ANK2: variants seen among roughly 807,000 people sequenced by gnomAD.
ANK2 encodes ankyrin-2.
Under a neutral mutation model 360.5 loss-of-function variants are expected in ANK2, and 83 were observed. The ratio of observed to expected loss-of-function variants is 0.23; its 90% CI spans 0.19 to 0.28. The LOEUF (loss-of-function observed/expected upper bound fraction) is 0.28, where lower values mean the gene tolerates loss of function less well. Among genes scored for constraint, ANK2 ranks in the 10% least tolerant of loss-of-function variants. The pLI, the probability that ANK2 is intolerant of heterozygous loss-of-function variation, is 1.00. For synonymous variants in ANK2, 1,740 were observed against 1,759.5 expected (o/e 0.99, Z 0.28); for missense variants, 4,201 against 4,795.7 (o/e 0.88, Z 3.66).
the ANK2 span, among the ~76,000 whole-genome samples, chr4:112,771,062 C>T: frequency 6.6e-6 from 1 of 152,148 alleles, no homozygotes; most frequent in Non-Finnish European, 1.5e-5. Context: ...GTGGCTGGGG[C>T]CCCTGTAACA....
intron 43 of ANK2, chr4:113,372,496 C>CA: frequency 7.7e-7 from 1 of 1,295,784 alleles, no homozygotes; most frequent in Non-Finnish European, 1.1e-6. Context: ...CATTCCTTAG[C>CA]ATGTTAAACA....
chr4:112,909,902 A>G (rs2086538486), intron 2 of ANK2, among the ~76,000 whole-genome samples: 1 of 152,186 alleles, frequency 6.6e-6, no homozygotes, highest in African/African-American at 2.4e-5. Flanking sequence ...TAATTCATAC[A>G]CATTAATTGT....
intron 1 of ANK2, among the ~76,000 whole-genome samples, chr4:113,125,912 C>G (rs1582351914): frequency 1.3e-5 from 2 of 152,104 alleles, no homozygotes; most frequent in East Asian, 3.9e-4. Context: ...CGCAAGTTTT[C>G]TTTAATAGGT....
intron 23 of ANK2, among the ~76,000 whole-genome samples, chr4:113,308,457 G>A (rs776084999): frequency 2.0e-5 from 3 of 152,190 alleles, no homozygotes; most frequent in African/African-American, 4.8e-5. Flanking sequence ...TCTGTGTATT[G>A]TTAGTGGACC....
chr4:113,090,105 T>C (rs912539474), intron 1 of ANK2, among the ~76,000 whole-genome samples: 2 of 152,196 alleles, frequency 1.3e-5, no homozygotes, highest in Non-Finnish European at 2.9e-5. Flanking sequence ...AAATCATATC[T>C]TGGGAATAGA....
chr4:112,890,329 T>C (rs947759730), intron 1 of ANK2, among the ~76,000 whole-genome samples: 3 of 152,186 alleles, frequency 2.0e-5, no homozygotes, highest in African/African-American at 7.2e-5. Flanking sequence ...GTCTTTGAAG[T>C]ACCAGATTCT....
At chr4:112,788,212 G>A in the ANK2 span, 7 of 1,589,672 alleles carry the variant, frequency 4.4e-6, no homozygotes, top group Admixed American at 6.7e-5. Flanking sequence ...CATTGTAATT[G>A]GTCCTGATAG....
chr4:113,022,478 G>C (rs2058386567), intron 2 of ANK2, among the ~76,000 whole-genome samples: 1 of 152,144 alleles, frequency 6.6e-6, no homozygotes, highest in African/African-American at 2.4e-5. Flanking sequence ...TGTTCTTGGT[G>C]AGTCTAGCAT....
intron 1 of ANK2, among the ~76,000 whole-genome samples, chr4:113,091,167 AC>A (rs1426128393): frequency 6.6e-6 from 1 of 152,244 alleles, no homozygotes; most frequent in Non-Finnish European, 1.5e-5. Flanking sequence ...ATACTTCAGC[AC>A]AGATTGTACC....
intron 29 of ANK2, among the ~76,000 whole-genome samples, chr4:113,334,132 T>C (rs887343773): frequency 2.6e-5 from 4 of 152,304 alleles, no homozygotes; most frequent in South Asian, 2.1e-4. Context: ...ATATGGCTTA[T>C]GGATAGGAAA....
At chr4:113,181,000 A>T (rs543029828) in intron 2 of ANK2, among the ~76,000 whole-genome samples, 1 of 152,160 alleles carries the variant, frequency 6.6e-6, no homozygotes, top group Admixed American at 6.5e-5. Flanking sequence ...GTTAGAATTG[A>T]GTAACACCTG....
At chr4:113,076,375 T>C (rs949776260) in intron 1 of ANK2, among the ~76,000 whole-genome samples, 2 of 152,264 alleles carry the variant, frequency 1.3e-5, no homozygotes, top group Admixed American at 6.5e-5. Flanking sequence ...ATCAGTATTA[T>C]CTAAACTAAA....
intron 2 of ANK2, among the ~76,000 whole-genome samples, chr4:112,933,755 C>T (rs1272777764): frequency 2.0e-5 from 3 of 152,164 alleles, no homozygotes; most frequent in African/African-American, 7.2e-5. Flanking sequence ...CCACCTTGGC[C>T]TCCCAACGTG....
Position 113,255,899 on chromosome 4 carries a change from A to G in ANK2, c.1155A>G (p.Leu385=). The G allele has an allele frequency of 6.2e-7, 1 of 1,614,228 alleles. No homozygotes were observed. The part of the protein sequence containing the change: ...CGHYRVTKLL[L]DKRANPNARA... Reference sequence around the variant, plus strand: ...ACTACCGTGTAACCAAACTCCTTTTAGACAAGAGAGCCAATCCGAACGCCA... The same window carrying G: ...ACTACCGTGTAACCAAACTCCTTTTGGACAAGAGAGCCAATCCGAACGCCA... The change falls in exon 11 of 46, where the codon TTA becomes TTG. Residue 385 remains leucine, a synonymous_variant. Coordinates refer to ENST00000357077, the MANE Select transcript of ANK2 (RefSeq NM_001148.6).
intron 4 of ANK2, chr4:113,217,085 A>C (rs2153473177): frequency 6.6e-6 from 1 of 152,314 alleles, no homozygotes; most frequent in East Asian, 1.9e-4. Context: ...TTCCCTCGAC[A>C]CATATGAGAA....
chr4:112,717,389 C>T, the ANK2 span, among the ~76,000 whole-genome samples: 18,284 of 152,048 alleles, frequency 0.12, 1,321 homozygotes, highest in East Asian at 0.21. Context: ...TGCACTTTAA[C>T]TTCATAAGGT....
At chr4:113,279,141 G>A (rs2061321768) in intron 17 of ANK2, among the ~76,000 whole-genome samples, 1 of 151,882 alleles carries the variant, frequency 6.6e-6, no homozygotes, top group Admixed American at 6.6e-5. Flanking sequence ...CATTCTAGTT[G>A]GCCCCTTATT....
chr4:113,331,421 A>G (rs779467204), intron 27 of ANK2, among the ~76,000 whole-genome samples: 6 of 152,180 alleles, frequency 3.9e-5, no homozygotes, highest in Non-Finnish European at 7.4e-5. Context: ...ATATTTCCCA[A>G]TTATAGCAAC....
intron 2 of ANK2, among the ~76,000 whole-genome samples, chr4:113,184,571 G>A (rs1308020410): frequency 1.3e-5 from 2 of 152,070 alleles, no homozygotes; most frequent in Non-Finnish European, 2.9e-5. Context: ...ATGAGGTGAA[G>A]CTGCCATTCC....
Sources: gnomAD v4.1 joint callset for allele counts (sites outside exome capture counted in the v4.1 genomes callset) on GRCh38, gnomAD v4.1.1 for gene constraint, MANE v1.5 for transcripts, NCBI Gene and HGNC (gene_info 2026-07-23, HGNC 2026-07-21) for gene names.